STARD13: variants seen among roughly 807,000 people sequenced by gnomAD.
STARD13 encodes stAR-related lipid transfer protein 13.
A neutral mutation model predicts 106.4 loss-of-function variants in STARD13; 62 were observed. The ratio of observed to expected loss-of-function variants is 0.58; its 90% CI spans 0.48 to 0.72. The LOEUF (loss-of-function observed/expected upper bound fraction) is 0.72, where lower values mean the gene tolerates loss of function less well. STARD13 is among the 30% of genes least tolerant of loss of function. The pLI, the probability that STARD13 is intolerant of heterozygous loss-of-function variation, is 0.00. For missense variants in STARD13, 1,387 were observed against 1,424.0 expected, an observed-to-expected ratio of 0.97 and a Z score of 0.42; for synonymous variants, 565 against 553.0, an observed-to-expected ratio of 1.02 and a Z score of -0.31.
the STARD13 span, among the ~76,000 whole-genome samples, chr13:33,571,372 T>C: frequency 3.9e-5 from 6 of 152,176 alleles, no homozygotes; most frequent in East Asian, 1.9e-4. Flanking sequence ...TTTGAGTTTA[T>C]TTATTTTGCT....
intron 1 of STARD13, among the ~76,000 whole-genome samples, chr13:33,256,885 C>T (rs1238719942): frequency 6.6e-6 from 1 of 152,134 alleles, no homozygotes; most frequent in East Asian, 1.9e-4. Flanking sequence ...ATTTGAACCA[C>T]AATGTTTGCA....
chr13:33,322,955 CTT>C (rs1196323344), intron 1 of STARD13, among the ~76,000 whole-genome samples: 1 of 152,168 alleles, frequency 6.6e-6, no homozygotes, highest in Admixed American at 6.5e-5. Context: ...TAAAAACACT[CTT>C]TTTTCTTTTT....
chr13:33,647,261 A>C, the STARD13 span, among the ~76,000 whole-genome samples: 1 of 152,230 alleles, frequency 6.6e-6, no homozygotes, highest in African/African-American at 2.4e-5. Flanking sequence ...TTTTCTTTAC[A>C]TCCACATCCC....
In STARD13 at chr13:33,130,613, A is replaced by G. The variant is rs1878149509; in HGVS notation, c.388-324T>C. 6.6e-6 allele frequency among the ~76,000 whole-genome samples: 1 copy of G among 152,210 alleles called. No individual in the cohort carries two copies. The highest frequency in any genetic ancestry group is 1.5e-5 in the Non-Finnish European group (1 of 68,040). On this transcript the variant is annotated intron_variant, in intron 4 of 13. Coordinates refer to ENST00000336934, the MANE Select transcript of STARD13 (RefSeq NM_178006.4). This position sits in a 1 kb window ranked among gnomAD's most constrained non-coding sequence, Gnocchi z 4.1. ...ATTATAAAGAGGGTATAATTACATCAGACTAGACGGTCTAAATATAAAGCA... is the reference window on the plus strand; with the variant it reads ...ATTATAAAGAGGGTATAATTACATCGGACTAGACGGTCTAAATATAAAGCA...
At chr13:33,636,139 CAAA>C in the STARD13 span, among the ~76,000 whole-genome samples, 28 of 47,306 alleles carry the variant, frequency 5.9e-4, no homozygotes, top group Non-Finnish European at 1.0e-3. Flanking sequence ...GACTCTGTCT[CAAA>C]AAAAAAAAAA....
chr13:33,267,031 A>G (rs537184720), intron 1 of STARD13, among the ~76,000 whole-genome samples: 1 of 152,310 alleles, frequency 6.6e-6, no homozygotes, highest in African/African-American at 2.4e-5. Flanking sequence ...CTATGTTACT[A>G]AAGTTGAATT....
chr13:33,367,760 A>G, the STARD13 span, among the ~76,000 whole-genome samples: 1 of 151,932 alleles, frequency 6.6e-6, no homozygotes, highest in Non-Finnish European at 1.5e-5. Context: ...ATTAGAGGCA[A>G]TTTTGGGGAA....
chr13:33,194,570 A>C (rs1456686451), intron 1 of STARD13, among the ~76,000 whole-genome samples: 3 of 152,230 alleles, frequency 2.0e-5, no homozygotes, highest in African/African-American at 4.8e-5. Context: ...TTAGTGCAGA[A>C]TGAAATTACT....
At position 33,166,066 on chromosome 13, in the gene STARD13, A is replaced by T. The variant is rs540968324; in HGVS notation, c.242-648T>A. ...AGCAATCTGCAGCTCATTGGAATAG[A>T]GGACATAGCCAAATGTAACCATGCT... On this transcript the variant is annotated intron_variant, in intron 2 of 13. Transcript: ENST00000336934. Among the ~76,000 whole-genome samples, 39 of 152,326 alleles carry T rather than the reference A, an allele frequency of 2.6e-4. No homozygotes were observed. In the South Asian group the frequency reaches 4.8e-3, roughly 19 times the overall value.
chr13:33,618,484 C>G, the STARD13 span, among the ~76,000 whole-genome samples: 13 of 149,304 alleles, frequency 8.7e-5, no homozygotes, highest in South Asian at 2.7e-3. Context: ...TCTACCCATC[C>G]CTTCAGTAAT....
At chr13:33,175,935 C>T (rs1386126564) in intron 1 of STARD13, among the ~76,000 whole-genome samples, 3 of 152,238 alleles carry the variant, frequency 2.0e-5, no homozygotes, top group Admixed American at 6.5e-5. Context: ...TCCAATTACC[C>T]AAGAAGATTT....
chr13:33,114,886 G>A (rs1440474747), intron 8 of STARD13, among the ~76,000 whole-genome samples: 1 of 151,862 alleles, frequency 6.6e-6, no homozygotes, highest in African/African-American at 2.4e-5. Context: ...ATTTGTTTTG[G>A]ATCCTATGCT....
chr13:33,433,567 G>T, the STARD13 span, among the ~76,000 whole-genome samples: 2 of 152,124 alleles, frequency 1.3e-5, 1 homozygote, highest in African/African-American at 4.8e-5. Context: ...ATGCGGAGGG[G>T]CCCCTTCAGT....
At chr13:33,418,484 C>G in the STARD13 span, among the ~76,000 whole-genome samples, 1 of 152,242 alleles carries the variant, frequency 6.6e-6, no homozygotes, top group Non-Finnish European at 1.5e-5. Flanking sequence ...GGCCTACAAC[C>G]TCTATGGACT....
intron 1 of STARD13, among the ~76,000 whole-genome samples, chr13:33,341,769 G>T (rs987700296): frequency 2.0e-5 from 3 of 152,042 alleles, no homozygotes; most frequent in Non-Finnish European, 4.4e-5. Flanking sequence ...GTTAGGCCAA[G>T]GTTAAGTTAC....
chr13:33,337,225 A>G (rs2077907136), intron 1 of STARD13, among the ~76,000 whole-genome samples: 2 of 152,140 alleles, frequency 1.3e-5, no homozygotes, highest in South Asian at 4.1e-4. Context: ...ACCTCTCCTA[A>G]TTTCCTTTTC....
At chr13:33,662,910 T>C in the STARD13 span, among the ~76,000 whole-genome samples, 1 of 152,336 alleles carries the variant, frequency 6.6e-6, no homozygotes, top group Admixed American at 6.5e-5. Context: ...TAAACAATAA[T>C]GCAAGTTAAA....
intron 1 of STARD13, among the ~76,000 whole-genome samples, chr13:33,242,245 G>A (rs1889560942): frequency 6.6e-6 from 1 of 152,200 alleles, no homozygotes; most frequent in South Asian, 2.1e-4. Context: ...CCCTGTCTGG[G>A]AGGTGTACCC....
intron 1 of STARD13, among the ~76,000 whole-genome samples, chr13:33,252,622 T>C (rs747877341): frequency 6.6e-6 from 1 of 152,244 alleles, no homozygotes; most frequent in Non-Finnish European, 1.5e-5. Flanking sequence ...CTATCAATAG[T>C]ATTGACCCAG....
Sources: gnomAD v4.1 joint callset for allele counts (sites outside exome capture counted in the v4.1 genomes callset) on GRCh38, gnomAD v4.1.1 for gene constraint, Gnocchi (gnomAD v3.1) non-coding constraint, MANE v1.5 for transcripts, NCBI Gene and HGNC (gene_info 2026-07-23, HGNC 2026-07-21) for gene names.